ACKR3: variants seen among roughly 807,000 people sequenced by gnomAD.
ACKR3 encodes C-X-C chemokine receptor type 7.
In ACKR3, 6 loss-of-function variants were observed where a neutral mutation model predicts 22.4. That is an observed-to-expected ratio of 0.27 (90% CI 0.15 to 0.53). ACKR3 has a LOEUF of 0.53. Ranked by LOEUF, ACKR3 falls within the 20% of genes least tolerant of loss-of-function variation. The pLI is 0.96. For synonymous variants in ACKR3, 209 were observed against 205.2 expected (o/e 1.02, Z -0.16); for missense variants, 396 against 475.2 (o/e 0.83, Z 1.55).
At chr2:236,550,908 A>T in the ACKR3 span, among the ~76,000 whole-genome samples, 1 of 151,776 alleles carries the variant, frequency 6.6e-6, no homozygotes, top group Non-Finnish European at 1.5e-5. The surrounding 1 kb of genome is among the most constrained non-coding windows in gnomAD (Gnocchi z 4.6). Context: ...TGCAAGAATG[A>T]CTCTTACCTT....
the ACKR3 span, among the ~76,000 whole-genome samples, chr2:236,555,281 C>G: frequency 2.6e-5 from 4 of 152,170 alleles, no homozygotes; most frequent in African/African-American, 9.7e-5. Flanking sequence ...TCACTCTATA[C>G]CAATCATGGG....
chr2:236,562,309 G>C, the ACKR3 span, among the ~76,000 whole-genome samples: 1 of 152,304 alleles, frequency 6.6e-6, no homozygotes, highest in African/African-American at 2.4e-5. Context: ...ATCCCACTTA[G>C]TCACAGTATA....
rs374255876 is a variant in ACKR3 at position 236,581,377 on chromosome 2, G to A, written c.912G>A (p.Ser304=). The A allele has an allele frequency of 2.9e-5, 46 of 1,613,884 alleles. No homozygotes were observed. The African/African-American group carries it at 3.7e-4, about 13-fold the overall frequency. ...FTALHVTQCL[S]LVHCCVNPVL... is the part of the protein sequence containing the mutation. Reference sequence around the variant, plus strand: ...CCCTGCATGTCACACAGTGCCTGTCGCTGGTGCACTGCTGCGTCAACCCTG... The same window carrying A: ...CCCTGCATGTCACACAGTGCCTGTCACTGGTGCACTGCTGCGTCAACCCTG... The change falls in exon 2 of 2, where the codon TCG becomes TCA. Residue 304 remains serine (S), a synonymous_variant. Transcript: ENST00000272928. The surrounding 1 kb of genome is among the most constrained non-coding windows in gnomAD (Gnocchi z 4.4).
At chr2:236,543,424 G>C in the ACKR3 span, among the ~76,000 whole-genome samples, 49 of 152,216 alleles carry the variant, frequency 3.2e-4, no homozygotes, top group African/African-American at 1.2e-3. Context: ...TCTGCAGGAG[G>C]TGGTGAAGAA....
In ACKR3 at chr2:236,581,757, A is replaced by G; in HGVS notation, c.*203A>G. The G allele has an allele frequency of 1.5e-6, 1 of 648,640 alleles. No individual in the cohort carries two copies. Among genetic ancestry groups the G allele is most frequent in the Non-Finnish European group, 2.6e-6 (1 of 387,930 alleles). 40.2% of individuals were successfully genotyped at this position (648,640 alleles called of 1,614,324 possible). On this transcript the variant is annotated 3_prime_UTR_variant, in exon 2 of 2. Coordinates refer to ENST00000272928, the MANE Select transcript of ACKR3 (RefSeq NM_020311.3). The surrounding 1 kb of genome is among the most constrained non-coding windows in gnomAD (Gnocchi z 4.4). ...GGCTGTGCGTGCTGACAGTTTTGCA[A>G]CAGGCAGAGCTGTGTCGCACAGCAG...
At position 236,577,367 on chromosome 2, in the gene ACKR3, C is replaced by T. The variant is rs1691432182; in HGVS notation, c.-26-3073C>T. Among the ~76,000 whole-genome samples, 1 of 152,176 alleles carries T rather than the reference C, an allele frequency of 6.6e-6. No individual in the cohort carries two copies. The highest frequency in any genetic ancestry group is 2.1e-4 in the South Asian group (1 of 4,824). ...CTCAGAGGACCAATGGTCCCTAAAT[C>T]AAATTTTCGTCACCCAAAGAGGCAA... On this transcript the variant is annotated intron_variant, in intron 1 of 1. Transcript: ENST00000272928. The surrounding 1 kb of genome is among the most constrained non-coding windows in gnomAD (Gnocchi z 5.6).
rs996372445 is a variant in ACKR3, at chr2:236,577,642, G to A, written c.-26-2798G>A. On this transcript the variant is annotated intron_variant, in intron 1 of 1. Coordinates refer to ENST00000272928, the MANE Select transcript of ACKR3 (RefSeq NM_020311.3). The surrounding 1 kb of genome is among the most constrained non-coding windows in gnomAD (Gnocchi z 5.6). ...GCAGTGGCCAGGCGCCTGGCCAGCC[G>A]GCATCTGACATGTCTCTACACTGGA... is the stretch of plus-strand genomic sequence containing the variant. Among the ~76,000 whole-genome samples the A allele has an allele frequency of 6.6e-6, 1 of 152,036 alleles. No individual in the cohort carries two copies. The highest frequency in any genetic ancestry group is 1.5e-5 in the Non-Finnish European group (1 of 68,006).
chr2:236,552,816 G>A, the ACKR3 span, among the ~76,000 whole-genome samples: 1 of 152,172 alleles, frequency 6.6e-6, no homozygotes, highest in Non-Finnish European at 1.5e-5. Flanking sequence ...TAGGGTCATA[G>A]GAAGGTTAAG....
At chr2:236,540,754 C>T in the ACKR3 span, among the ~76,000 whole-genome samples, 1 of 152,182 alleles carries the variant, frequency 6.6e-6, no homozygotes, top group Non-Finnish European at 1.5e-5. Flanking sequence ...AGAGACCACC[C>T]TTTCCTCATT....
chr2:236,581,261 C>T lies in ACKR3; in HGVS notation c.796C>T (p.Leu266=), dbSNP rs1045879. Residue 266 remains leucine, a synonymous_variant, in exon 2 of 2, where the codon CTG becomes TTG. Transcript: ENST00000272928. This position sits in a 1 kb window ranked among gnomAD's most constrained non-coding sequence, Gnocchi z 4.4. The stretch of plus-strand genomic sequence containing the variant: ...CGTGGTGGTCTTCCTTGTCTGCTGG[C>T]TGCCCTACCACGTGGCGGTGCTGCT... ...SYVVVFLVCW[L]PYHVAVLLDI... is the part of the protein sequence containing the mutation. 0.28 allele frequency: 445,371 copies of T among 1,613,720 alleles called. 70,825 individuals are homozygous for T. The highest frequency in any genetic ancestry group is 0.67 in the African/African-American group (50,426 of 74,920).
At chr2:236,538,457 G>A in the ACKR3 span, among the ~76,000 whole-genome samples, 2 of 152,216 alleles carry the variant, frequency 1.3e-5, no homozygotes, top group African/African-American at 4.8e-5. Context: ...TCACCACCCT[G>A]ACCTTGGATG....
the ACKR3 span, among the ~76,000 whole-genome samples, chr2:236,555,078 G>A: frequency 1.3e-5 from 2 of 152,222 alleles, no homozygotes; most frequent in African/African-American, 4.8e-5. Context: ...CACAGCGGCA[G>A]GTGGCCTCCA....
Position 236,578,988 on chromosome 2 carries a change from C to CT in ACKR3, c.-26-1449dup, listed in dbSNP as rs138868302. Among the ~76,000 whole-genome samples, 817 of 152,328 alleles carry CT rather than the reference C, an allele frequency of 5.4e-3. 9 individuals carry two copies. The highest frequency in any genetic ancestry group is 0.019 in the African/African-American group (783 of 41,576). On this transcript the variant is annotated intron_variant, in intron 1 of 1. Coordinates refer to ENST00000272928, the MANE Select transcript of ACKR3 (RefSeq NM_020311.3). ...CTAGGGCCAAGCTCTCAATTAGGCCCTTTCTTCTTTCTTCTTAGGGTATCT... is the reference window on the plus strand; with the variant it reads ...CTAGGGCCAAGCTCTCAATTAGGCCCTTTTCTTCTTTCTTCTTAGGGTATCT...
chr2:236,550,703 C>T, the ACKR3 span, among the ~76,000 whole-genome samples: 5 of 152,154 alleles, frequency 3.3e-5, no homozygotes, highest in Non-Finnish European at 7.4e-5. This position sits in a 1 kb window ranked among gnomAD's most constrained non-coding sequence, Gnocchi z 4.6. Flanking sequence ...GCCTCAGCCC[C>T]TCATTGGTAA....
upstream of ACKR3, among the ~76,000 whole-genome samples, chr2:236,563,032 C>T (rs1691104052): frequency 6.6e-6 from 1 of 152,166 alleles, no homozygotes; most frequent in Non-Finnish European, 1.5e-5. Flanking sequence ...GTTTGTATTT[C>T]CCCAATAACT....
At chr2:236,563,806 G>A (rs144477414), upstream of ACKR3, among the ~76,000 whole-genome samples, 1,095 of 152,288 alleles carry the variant, frequency 7.2e-3, 12 homozygotes, top group Non-Finnish European at 0.011. Flanking sequence ...GACTGGAACT[G>A]ACCCTTGAGA....
the ACKR3 span, among the ~76,000 whole-genome samples, chr2:236,550,333 G>A: frequency 6.6e-6 from 1 of 152,232 alleles, no homozygotes; most frequent in Non-Finnish European, 1.5e-5. This position sits in a 1 kb window ranked among gnomAD's most constrained non-coding sequence, Gnocchi z 4.6. Flanking sequence ...GTACCCGGCT[G>A]CGCACACATC....
At chr2:236,571,840 G>T (rs1406155822) in intron 1 of ACKR3, among the ~76,000 whole-genome samples, 1 of 152,028 alleles carries the variant, frequency 6.6e-6, no homozygotes, top group Admixed American at 6.5e-5. Flanking sequence ...CAAAACTTTA[G>T]ATTTTTTTTT....
chr2:236,542,530 C>T, the ACKR3 span, among the ~76,000 whole-genome samples: 5 of 152,160 alleles, frequency 3.3e-5, no homozygotes, highest in African/African-American at 9.7e-5. Flanking sequence ...TCATGTAGAG[C>T]ATTATGATGG....
Sources: gnomAD v4.1 joint callset for allele counts (sites outside exome capture counted in the v4.1 genomes callset) on GRCh38, gnomAD v4.1.1 for gene constraint, Gnocchi (gnomAD v3.1) non-coding constraint, MANE v1.5 for transcripts, NCBI Gene and HGNC (gene_info 2026-07-23, HGNC 2026-07-21) for gene names.